Variants in ZNF469 observed in about 807,000 individuals in gnomAD.
ZNF469 encodes the protein zinc finger protein 469.
A neutral mutation model predicts 1.0 loss-of-function variants in ZNF469; 1 was observed. The observed-to-expected ratio is 1.00, with a 90% CI of 0.35 to 4.73. The LOEUF is 4.73. Ranked by LOEUF, ZNF469 falls within the 30% of genes most tolerant of loss-of-function variation. ZNF469 has a pLI of 0.16. For synonymous variants in ZNF469, 2,703 were observed against 2,363.4 expected, an observed-to-expected ratio of 1.14 and a Z score of -4.17; for missense variants, 6,100 against 5,356.3, an observed-to-expected ratio of 1.14 and a Z score of -4.33.
chr16:88,210,225 T>C, the ZNF469 span, among the ~76,000 whole-genome samples: 1 of 152,104 alleles, frequency 6.6e-6, no homozygotes, highest in Admixed American at 6.5e-5. Context: ...TTTGTTCATT[T>C]TCCTATTGGG....
upstream of ZNF469, among the ~76,000 whole-genome samples, chr16:88,380,791 T>A (rs1334485389): frequency 1.7e-5 from 1 of 58,184 alleles, no homozygotes; most frequent in Non-Finnish European, 2.7e-5. Flanking sequence ...CTCACACACA[T>A]GCACTCACAC....
the ZNF469 span, among the ~76,000 whole-genome samples, chr16:88,228,806 C>T: frequency 6.6e-6 from 1 of 152,148 alleles, no homozygotes; most frequent in Non-Finnish European, 1.5e-5. Context: ...GGAGGCCTGC[C>T]TGTGTCAGAT....
chr16:88,393,108 C>G (rs913688682), intron 1 of ZNF469, among the ~76,000 whole-genome samples: 1 of 152,268 alleles, frequency 6.6e-6, no homozygotes, highest in African/African-American at 2.4e-5. Context: ...AAGCTGACCT[C>G]GTGGGCACCA....
At chr16:88,101,958 G>A in the ZNF469 span, among the ~76,000 whole-genome samples, 2 of 152,272 alleles carry the variant, frequency 1.3e-5, no homozygotes, top group Non-Finnish European at 2.9e-5. Context: ...AGGGTGGCAG[G>A]TCAGGATTGT....
the ZNF469 span, among the ~76,000 whole-genome samples, chr16:88,351,934 G>A: frequency 1.2e-4 from 19 of 152,338 alleles, no homozygotes; most frequent in South Asian, 1.4e-3. Context: ...GAAACACGAC[G>A]TGTCCCACGT....
chr16:88,350,251 C>T, the ZNF469 span, among the ~76,000 whole-genome samples: 1 of 152,376 alleles, frequency 6.6e-6, no homozygotes, highest in African/African-American at 2.4e-5. Flanking sequence ...CACAGCACTG[C>T]CCTCCTGTCC....
chr16:88,115,303 A>G, the ZNF469 span, among the ~76,000 whole-genome samples: 2 of 152,160 alleles, frequency 1.3e-5, no homozygotes, highest in African/African-American at 4.8e-5. Context: ...GATATATATT[A>G]TTTTCATAAT....
At chr16:88,384,442 G>A (rs1263735306) in intron 1 of ZNF469, among the ~76,000 whole-genome samples, 1 of 152,218 alleles carries the variant, frequency 6.6e-6, no homozygotes, top group African/African-American at 2.4e-5. Flanking sequence ...GGGCGTGAGG[G>A]CTGAGCAGGG....
At chr16:88,134,339 C>T in the ZNF469 span, among the ~76,000 whole-genome samples, 3 of 152,280 alleles carry the variant, frequency 2.0e-5, no homozygotes, top group South Asian at 2.1e-4. Context: ...CAAACGTTTA[C>T]GAACCACGTG....
the ZNF469 span, among the ~76,000 whole-genome samples, chr16:88,111,056 C>T: frequency 1.3e-5 from 2 of 152,370 alleles, no homozygotes; most frequent in South Asian, 2.1e-4. Flanking sequence ...CCTTGCTTTT[C>T]TTCAGCCCCC....
At chr16:88,260,917 G>A in the ZNF469 span, among the ~76,000 whole-genome samples, 2 of 152,218 alleles carry the variant, frequency 1.3e-5, no homozygotes, top group Non-Finnish European at 2.9e-5. The surrounding 1 kb of genome is among the most constrained non-coding windows in gnomAD (Gnocchi z 4.1). Flanking sequence ...GGAGGAGGCT[G>A]CGTGGCCACG....
In ZNF469 at chr16:88,428,396, C is replaced by T; in HGVS notation, c.926C>T (p.Pro309Leu). Residue 309 changes from proline (P) to leucine (L), a missense_variant, in exon 3 of 3, where the codon CCC (proline) becomes CTC (leucine). Physicochemically the swap from Pro to Leu is moderately conservative, Grantham distance 98. Transcript: ENST00000565624. ...CCACTGGTGTTTGCCTTCCATCAGC[C>T]CCAGGGAGCGTGGCCGGAGGAGGCC... ...NGPLVFAFHQ[P>L]QGAWPEEAVG... The T allele has an allele frequency of 6.5e-7, 1 of 1,548,546 alleles. No homozygotes were observed. Among genetic ancestry groups the T allele is most frequent in the South Asian group, 1.2e-5 (1 of 84,068 alleles).
chr16:88,327,328 G>A, the ZNF469 span, among the ~76,000 whole-genome samples: 2 of 152,164 alleles, frequency 1.3e-5, no homozygotes, highest in African/African-American at 4.8e-5. Context: ...TGGTCCTCCC[G>A]GCCTCGCCTC....
At chr16:88,369,974 T>C in the ZNF469 span, among the ~76,000 whole-genome samples, 1 of 152,222 alleles carries the variant, frequency 6.6e-6, no homozygotes, top group African/African-American at 2.4e-5. Flanking sequence ...TTAATTGCAT[T>C]GTTTTCCTGT....
chr16:88,151,868 A>G, the ZNF469 span, among the ~76,000 whole-genome samples: 2 of 152,380 alleles, frequency 1.3e-5, no homozygotes, highest in South Asian at 2.1e-4. The surrounding 1 kb of genome is among the most constrained non-coding windows in gnomAD (Gnocchi z 5.4). Flanking sequence ...CATCACAGCA[A>G]AAGTGCAGAA....
the ZNF469 span, among the ~76,000 whole-genome samples, chr16:88,275,880 G>A: frequency 6.6e-6 from 1 of 152,116 alleles, no homozygotes; most frequent in South Asian, 2.1e-4. Flanking sequence ...CCAGCCCCTG[G>A]CTCACACAGC....
the ZNF469 span, among the ~76,000 whole-genome samples, chr16:88,257,597 A>T: frequency 6.6e-6 from 1 of 152,136 alleles, no homozygotes; most frequent in African/African-American, 2.4e-5. Flanking sequence ...ACCCTAGGTC[A>T]TCTAGATCTT....
rs1329322677 is a variant in ZNF469 at position 88,427,426 on chromosome 16, C to T, written c.-45C>T. The T allele has an allele frequency of 2.1e-6, 3 of 1,443,654 alleles. No homozygotes were observed. The highest frequency in any genetic ancestry group is 1.4e-5 in the South Asian group (1 of 69,608). 89.4% of individuals were successfully genotyped at this position (1,443,654 alleles called of 1,614,324 possible). A position where few individuals can be genotyped will look rare whatever the true frequency, so the allele number is the denominator to read the frequency against. ...GGCCGTCCAGCCCACTCCCCAGGGC[C>T]CCCCTCGGACAGCTGCGTCGTCCTA... On this transcript the variant is annotated 5_prime_UTR_variant, in exon 3 of 3. Transcript: ENST00000565624.
the ZNF469 span, among the ~76,000 whole-genome samples, chr16:88,320,784 C>G: frequency 3.3e-5 from 5 of 152,332 alleles, no homozygotes; most frequent in South Asian, 1.0e-3. Context: ...AGTCTCATTG[C>G]TGGTCTTTAG....
Sources: allele counts gnomAD v4.1 joint callset (sites outside exome capture counted in the v4.1 genomes callset), GRCh38; gene constraint gnomAD v4.1.1; non-coding constraint Gnocchi (gnomAD v3.1); transcripts MANE v1.5; gene names NCBI Gene and HGNC (gene_info 2026-07-23, HGNC 2026-07-21).